NID1: variants seen among roughly 807,000 people sequenced by gnomAD.
NID1 encodes nidogen-1.
In NID1, 76 loss-of-function variants were observed where a neutral mutation model predicts 130.6. The observed-to-expected ratio is 0.58, with a 90% CI of 0.48 to 0.70. The LOEUF (loss-of-function observed/expected upper bound fraction) is 0.70. Among genes scored for constraint, NID1 ranks in the 30% least tolerant of loss-of-function variants. The pLI is 0.00. For synonymous variants in NID1, 665 were observed against 675.1 expected (o/e 0.98, Z 0.23); for missense variants, 1,517 against 1,664.8 (o/e 0.91, Z 1.54).
rs2102817309 is a variant in NID1, at chr1:236,013,328, G to A, written c.2404+83C>T. 2.1e-6 allele frequency: 3 copies of A among 1,441,700 alleles called. No homozygotes were observed. The South Asian group carries it at 3.6e-5, about 17-fold the overall frequency. The allele number at this position is 1,441,700 out of a possible 1,614,324, so 89.3% of individuals were successfully genotyped here. A position where few individuals can be genotyped will look rare whatever the true frequency, so the allele number is the denominator to read the frequency against. The stretch of plus-strand genomic sequence containing the variant: ...AGAATTCTTTCTTCTATTTGGGAGT[G>A]AGTTGGTGATTGGCACATGACAGGT... On this transcript the variant is annotated intron_variant, in intron 11 of 19. Transcript: ENST00000264187.
At chr1:236,024,361 G>T in intron 8 of NID1, 148 bp from the exon 9 acceptor site, 1 of 945,198 alleles carries the variant, frequency 1.1e-6, no homozygotes, top group Non-Finnish European at 1.6e-6. Context: ...TTCCTGTGTT[G>T]CCCTGGGGCA....
intron 5 of NID1, 73 bp from the exon 6 acceptor site, chr1:236,032,725 G>T: frequency 6.4e-7 from 1 of 1,551,240 alleles, no homozygotes; most frequent in Non-Finnish European, 8.7e-7. Context: ...TAATATGTAG[G>T]ACCTGTACCT....
At position 235,979,467 on chromosome 1, in the gene NID1, C is replaced by T. The variant is rs1376902044; in HGVS notation, c.3509+355G>A. On this transcript the variant is annotated intron_variant, in intron 18 of 19. Transcript: ENST00000264187. The surrounding 1 kb of genome is among the most constrained non-coding windows in gnomAD (Gnocchi z 4.6). ...TTGCAGTTTAACAACTATAATGAAG[C>T]AGGGACATGAAGTGGACATGGAGCC... Among the ~76,000 whole-genome samples the T allele has an allele frequency of 6.6e-6, 1 of 152,170 alleles. No individual in the cohort carries two copies. Among genetic ancestry groups the T allele is most frequent in the Non-Finnish European group, 1.5e-5 (1 of 68,032 alleles).
At chr1:236,003,919 G>C (rs1658159981) in intron 12 of NID1, among the ~76,000 whole-genome samples, 1 of 151,640 alleles carries the variant, frequency 6.6e-6, no homozygotes, top group African/African-American at 2.4e-5. Context: ...TGTAATCCCA[G>C]CTACTCAGGA....
rs16833154 is a variant in NID1, at chr1:236,038,229, C to T, written c.1160G>A (p.Arg387His). The T allele has an allele frequency of 7.6e-4, 1,223 of 1,612,846 alleles. 8 individuals are homozygous for T. In the African/African-American group the frequency reaches 0.014, roughly 19 times the overall value. ...GTGTCTGTTGTTAGCACACGTCTGGCGGGAATCCGTGTTATAGCTGAAAAC... is the reference window on the plus strand; with the variant it reads ...GTGTCTGTTGTTAGCACACGTCTGGTGGGAATCCGTGTTATAGCTGAAAAC... ...GVVFSYNTDS[R>H]QTCANNRHQC... Residue 387 changes from arginine (R) to histidine (H), a missense_variant, in exon 5 of 20, where the codon CGC becomes CAC. Coordinates refer to ENST00000264187, the MANE Select transcript of NID1 (RefSeq NM_002508.3).
intron 1 of NID1, chr1:236,064,654 C>G: frequency 1.6e-6 from 1 of 624,152 alleles, no homozygotes; most frequent in Non-Finnish European, 2.9e-6. Context: ...ACCCCGCGAC[C>G]CGCTCTTCGG....
intron 1 of NID1, among the ~76,000 whole-genome samples, chr1:236,058,919 T>A (rs1659969447): frequency 1.3e-5 from 2 of 152,214 alleles, no homozygotes; most frequent in South Asian, 2.1e-4. Flanking sequence ...CAGCAGGAAC[T>A]TAAAATAATT....
At position 236,061,304 on chromosome 1, in the gene NID1, T is replaced by C. The variant is rs148912158; in HGVS notation, c.225+3551A>G. ...CCCCGTAGCTCAGTTGCTGCTCACCTGGGGAAAAATATAACTTCACAGGCA... is the reference window on the plus strand; with the variant it reads ...CCCCGTAGCTCAGTTGCTGCTCACCCGGGGAAAAATATAACTTCACAGGCA... On this transcript the variant is annotated intron_variant, in intron 1 of 19. Coordinates refer to ENST00000264187, the MANE Select transcript of NID1 (RefSeq NM_002508.3). 1.5e-3 allele frequency among the ~76,000 whole-genome samples: 235 copies of C among 152,268 alleles called. 4 individuals are homozygous for C. In the East Asian group the frequency reaches 0.041, roughly 27 times the overall value.
intron 3 of NID1, 89 bp from the exon 4 acceptor site, chr1:236,042,381 G>T: frequency 1.3e-6 from 2 of 1,493,952 alleles, no homozygotes; most frequent in Non-Finnish European, 1.8e-6. Flanking sequence ...GAGGATCTGT[G>T]TTGGTCTGCA....
intron 12 of NID1, among the ~76,000 whole-genome samples, chr1:236,009,310 T>A (rs989435705): frequency 3.3e-5 from 5 of 152,338 alleles, no homozygotes; most frequent in African/African-American, 1.2e-4. Flanking sequence ...GAAGTGAGCC[T>A]TCGCCAGACA....
intron 1 of NID1, among the ~76,000 whole-genome samples, chr1:236,052,786 C>T (rs1659797909): frequency 1.3e-5 from 2 of 152,148 alleles, no homozygotes; most frequent in South Asian, 4.1e-4. Context: ...GTGTGGGAGC[C>T]CCCTTGTGAT....
At chr1:236,002,059 G>C (rs948693488) in intron 12 of NID1, among the ~76,000 whole-genome samples, 3 of 152,220 alleles carry the variant, frequency 2.0e-5, no homozygotes, top group Admixed American at 2.0e-4. Context: ...AAATAGGAGA[G>C]TCCTTGATTG....
At position 235,979,988 on chromosome 1, in the gene NID1, A is replaced by G; in HGVS notation, c.3386-43T>C. On this transcript the variant is annotated intron_variant, in intron 17 of 19. Coordinates refer to ENST00000264187, the MANE Select transcript of NID1 (RefSeq NM_002508.3). This position sits in a 1 kb window ranked among gnomAD's most constrained non-coding sequence, Gnocchi z 4.6. ...AATTCATTCATTGTTCACACAAGAA[A>G]TGGCCCCTTTGTGCAAAAAAAACAA... The G allele has an allele frequency of 6.2e-7, 1 of 1,602,414 alleles. No individual in the cohort carries two copies. Among genetic ancestry groups the G allele is most frequent in the Non-Finnish European group, 8.5e-7 (1 of 1,174,872 alleles).
chr1:236,039,990 A>G (rs1308448704), intron 4 of NID1, among the ~76,000 whole-genome samples: 1 of 152,232 alleles, frequency 6.6e-6, no homozygotes, highest in East Asian at 1.9e-4. Flanking sequence ...GTAGAGGGAC[A>G]GGAAAACATC....
At chr1:236,050,740 C>G (rs73116904) in intron 1 of NID1, among the ~76,000 whole-genome samples, 2,333 of 152,140 alleles carry the variant, frequency 0.015, 70 homozygotes, top group African/African-American at 0.054. Context: ...CATGGAAGAC[C>G]AAGCCAGTGA....
At chr1:236,046,566 G>C (rs1289224452) in intron 2 of NID1, among the ~76,000 whole-genome samples, 1 of 151,784 alleles carries the variant, frequency 6.6e-6, no homozygotes, top group Non-Finnish European at 1.5e-5. Context: ...GGGAGAGGAC[G>C]TCCCAAACAG....
Position 236,064,900 on chromosome 1 carries a change from A to G in NID1, c.180T>C (p.Ser60=), listed in dbSNP as rs571416269. The G allele has an allele frequency of 9.3e-6, 15 of 1,612,168 alleles. No homozygotes were observed. Among genetic ancestry groups the G allele is most frequent in the Middle Eastern group, 1.6e-4 (1 of 6,062 alleles). The change falls in exon 1 of 20, where the codon AGT becomes AGC. Residue 60 remains serine (S), a synonymous_variant. Coordinates refer to ENST00000264187, the MANE Select transcript of NID1 (RefSeq NM_002508.3). The part of the protein sequence containing the change: ...DDFVSPALEL[S]GALRFYDRSD... Reference sequence around the variant, plus strand: ...ATCTGTCGTAGAAGCGGAGCGCCCCACTCAGCTCCAGGGCAGGAGAGACGA... The same window carrying G: ...ATCTGTCGTAGAAGCGGAGCGCCCCGCTCAGCTCCAGGGCAGGAGAGACGA...
intron 12 of NID1, among the ~76,000 whole-genome samples, chr1:236,007,092 T>G (rs891242779): frequency 2.0e-5 from 3 of 152,324 alleles, no homozygotes; most frequent in African/African-American, 7.2e-5. Context: ...GGCACGATCA[T>G]AGCTCACTGC....
At chr1:236,002,790 G>A (rs1658119359) in intron 12 of NID1, among the ~76,000 whole-genome samples, 1 of 152,194 alleles carries the variant, frequency 6.6e-6, no homozygotes, top group African/African-American at 2.4e-5. Context: ...GAGGCCATGT[G>A]AGAGTCACAA....
Sources: allele counts gnomAD v4.1 joint callset (sites outside exome capture counted in the v4.1 genomes callset), GRCh38; gene constraint gnomAD v4.1.1; non-coding constraint Gnocchi (gnomAD v3.1); transcripts MANE v1.5; gene names NCBI Gene and HGNC (gene_info 2026-07-23, HGNC 2026-07-21).